UBE2J1: variants seen among roughly 807,000 people sequenced by gnomAD.
UBE2J1 encodes ubiquitin-conjugating enzyme E2 J1.
A neutral mutation model predicts 42.1 loss-of-function variants in UBE2J1; 17 were observed. The ratio of observed to expected loss-of-function variants is 0.40; its 90% confidence interval spans 0.28 to 0.61. The LOEUF (loss-of-function observed/expected upper bound fraction) is 0.61. Among genes scored for constraint, UBE2J1 ranks in the 20% least tolerant of loss-of-function variants. UBE2J1 has a pLI of 0.38. For missense variants in UBE2J1, 291 were observed against 389.4 expected (o/e 0.75, Z 2.13); for synonymous variants, 127 against 137.2 (o/e 0.93, Z 0.52).
At chr6:89,330,444 C>T (rs1322579411) in intron 7 of UBE2J1, among the ~76,000 whole-genome samples, 1 of 152,068 alleles carries the variant, frequency 6.6e-6, no homozygotes. Flanking sequence ...AACCAACGTG[C>T]CCAGCCTCAG....
At chr6:89,351,309 T>A (rs1768475905) in intron 1 of UBE2J1, among the ~76,000 whole-genome samples, 1 of 151,970 alleles carries the variant, frequency 6.6e-6, no homozygotes, top group South Asian at 2.1e-4. Flanking sequence ...CTCCACCTCC[T>A]GGGCTCAAGC....
Position 89,329,076 on chromosome 6 carries a change from G to C in UBE2J1, c.*603C>G, listed in dbSNP as rs1324881173. 1 of 152,588 alleles carries C rather than the reference G, an allele frequency of 6.6e-6. No individual in the cohort carries two copies. The highest frequency in any genetic ancestry group is 1.5e-5 in the Non-Finnish European group (1 of 68,362). The allele number at this position is 152,588 out of a possible 1,614,324, so 9.5% of individuals were successfully genotyped here. ...TTACAAAGTACTCCCTCTTCAAGTA[G>C]CATCCAGTGACAAAGATGTGATCTC... On this transcript the variant is annotated 3_prime_UTR_variant, in exon 8 of 8. Coordinates refer to ENST00000435041, the MANE Select transcript of UBE2J1 (RefSeq NM_016021.3).
chr6:89,338,668 T>G lies in UBE2J1; in HGVS notation c.238-125A>C, dbSNP rs543813687. 1.8e-4 allele frequency: 50 copies of G among 274,582 alleles called. 2 individuals carry two copies. The Admixed American group carries it at 1.8e-3, about 10-fold the overall frequency. 17.0% of individuals were successfully genotyped at this position (274,582 alleles called of 1,614,324 possible). Reference sequence around the variant, plus strand: ...ATCTTAAAAAGTTTGTTTTTTTTTTTTTTTTTTTTTTTTTTGAGATGGAGT... The same window carrying G: ...ATCTTAAAAAGTTTGTTTTTTTTTTGTTTTTTTTTTTTTTTGAGATGGAGT... On this transcript the variant is annotated intron_variant, in intron 3 of 7. Coordinates refer to ENST00000435041, the MANE Select transcript of UBE2J1 (RefSeq NM_016021.3).
At chr6:89,341,346 TG>T (rs1468919377) in intron 3 of UBE2J1, among the ~76,000 whole-genome samples, 7 of 152,246 alleles carry the variant, frequency 4.6e-5, no homozygotes, top group African/African-American at 1.7e-4. Flanking sequence ...GAATGGTTTT[TG>T]TGTTTGTTTT....
chr6:89,338,561 C>T lies in UBE2J1; in HGVS notation c.238-18G>A, dbSNP rs758500311. ...CCATTAGCCTGAGGAATAAACAATG[C>T]ATTTAGAAAATTAAATACATGTGCT... On this transcript the variant is annotated intron_variant, in intron 3 of 7. Coordinates refer to ENST00000435041, the MANE Select transcript of UBE2J1 (RefSeq NM_016021.3). The T allele has an allele frequency of 6.8e-7, 1 of 1,474,878 alleles. No homozygotes were observed. Among genetic ancestry groups the T allele is most frequent in the Non-Finnish European group, 9.1e-7 (1 of 1,103,658 alleles). 91.4% of individuals were successfully genotyped at this position (1,474,878 alleles called of 1,614,324 possible).
intron 5 of UBE2J1, 80 bp from the exon 6 acceptor site, chr6:89,335,511 T>A: frequency 7.5e-6 from 8 of 1,062,756 alleles, no homozygotes; most frequent in Non-Finnish European, 1.0e-5. Context: ...AAATGCTCGA[T>A]CATTAAACTT....
Position 89,333,156 on chromosome 6 carries a change from T to C in UBE2J1, c.608A>G (p.His203Arg), listed in dbSNP as rs775989219. The change falls in exon 7 of 8, where the codon CAC (histidine) becomes CGC (arginine). Residue 203 changes from histidine (H) to arginine (R), a missense_variant. By Grantham distance (29) the His-to-Arg change is conservative. Around this residue, in one of 2 missense-constraint regions of UBE2J1, gnomAD observed 176 missense variants for 196.3 expected, o/e 0.90. Coordinates refer to ENST00000435041, the MANE Select transcript of UBE2J1 (RefSeq NM_016021.3). Reference protein sequence around the residue: ...GKTISESDLNHSFSLTDLQDD... With the variant: ...GKTISESDLNRSFSLTDLQDD... ...TTGTAAATCAGTTAGTGAAAAAGAGTGGTTTAAGTCTGACTCAGAGATAGT... is the reference window on the plus strand; with the variant it reads ...TTGTAAATCAGTTAGTGAAAAAGAGCGGTTTAAGTCTGACTCAGAGATAGT... 6.2e-7 allele frequency: 1 copy of C among 1,612,880 alleles called. No homozygotes were observed. The highest frequency in any genetic ancestry group is 8.5e-7 in the Non-Finnish European group (1 of 1,179,480).
Position 89,327,389 on chromosome 6 carries a change from T to A in UBE2J1, c.*2290A>T, listed in dbSNP as rs1452139487. The A allele has an allele frequency of 6.6e-6, 1 of 152,178 alleles. No individual in the cohort carries two copies. Among genetic ancestry groups the A allele is most frequent in the Non-Finnish European group, 1.5e-5 (1 of 68,028 alleles). 9.4% of individuals were successfully genotyped at this position (152,178 alleles called of 1,614,324 possible). On this transcript the variant is annotated 3_prime_UTR_variant, in exon 8 of 8. Transcript: ENST00000435041. ...AGTAGGGCTTTAAAGATAATAGTTTTCTGAAGAGGCCTTTCAGTGGGGCTT... is the reference window on the plus strand; with the variant it reads ...AGTAGGGCTTTAAAGATAATAGTTTACTGAAGAGGCCTTTCAGTGGGGCTT...
intron 6 of UBE2J1, among the ~76,000 whole-genome samples, chr6:89,333,835 A>G (rs1309949840): frequency 6.6e-6 from 1 of 152,184 alleles, no homozygotes; most frequent in Non-Finnish European, 1.5e-5. Context: ...ACTACAATAA[A>G]AGAGAAGGGA....
chr6:89,329,442 T>A lies in UBE2J1; in HGVS notation c.*237A>T, dbSNP rs541167835. ...CATGAGAAAAAACAAGTTATTTCCC[T>A]GCAAAGCAGATCAAATAGTGAGACA... On this transcript the variant is annotated 3_prime_UTR_variant, in exon 8 of 8. Transcript: ENST00000435041. 2.0e-6 allele frequency: 1 copy of A among 505,494 alleles called. No homozygotes were observed. Among genetic ancestry groups the A allele is most frequent in the Non-Finnish European group, 3.5e-6 (1 of 289,040 alleles). 31.3% of individuals were successfully genotyped at this position (505,494 alleles called of 1,614,324 possible). A position where few individuals can be genotyped will look rare whatever the true frequency, so the allele number is the denominator to read the frequency against.
chr6:89,348,813 G>A (rs529694531), intron 1 of UBE2J1, among the ~76,000 whole-genome samples: 26 of 152,298 alleles, frequency 1.7e-4, no homozygotes, highest in African/African-American at 6.0e-4. Flanking sequence ...GAACCTTAAA[G>A]CTTGAAGAAC....
chr6:89,350,391 T>C (rs1422597405), intron 1 of UBE2J1, among the ~76,000 whole-genome samples: 3 of 152,086 alleles, frequency 2.0e-5, no homozygotes, highest in African/African-American at 7.2e-5. Context: ...ACACAGGAAA[T>C]TGGAGTTTTC....
intron 3 of UBE2J1, among the ~76,000 whole-genome samples, chr6:89,339,367 C>T (rs1768185724): frequency 7.2e-6 from 1 of 139,452 alleles, no homozygotes; most frequent in African/African-American, 2.7e-5. Flanking sequence ...GAGTTCAAGG[C>T]CACAGTGAAC....
chr6:89,338,463 C>G lies in UBE2J1; in HGVS notation c.318G>C (p.Trp106Cys). 6.2e-7 allele frequency: 1 copy of G among 1,610,144 alleles called. No homozygotes were observed. The highest frequency in any genetic ancestry group is 8.5e-7 in the Non-Finnish European group (1 of 1,178,686). Residue 106 changes from tryptophan (W) to cysteine (C), a missense_variant, in exon 4 of 8, where the codon TGG becomes TGC. By Grantham distance (215) the Trp-to-Cys change is radical (BLOSUM62 -2). Around this residue, in one of 2 missense-constraint regions of UBE2J1, gnomAD observed 115 missense variants for 193.1 expected, o/e 0.60. Transcript: ENST00000435041. ...GHHPETWQPS[W>C]SIRTALLAII... ...TCACTATAAATTAACACTTACTACTCCACGAAGGCTGCCAAGTTTCAGGAT... is the reference window on the plus strand; with the variant it reads ...TCACTATAAATTAACACTTACTACTGCACGAAGGCTGCCAAGTTTCAGGAT...
intron 1 of UBE2J1, among the ~76,000 whole-genome samples, chr6:89,349,858 C>A (rs545625033): frequency 6.6e-6 from 1 of 152,094 alleles, no homozygotes. Flanking sequence ...ATGTCAATGG[C>A]CCCCTGATGA....
Position 89,329,919 on chromosome 6 carries a change from T to C in UBE2J1, c.717A>G (p.Gln239=), listed in dbSNP as rs769390748. The C allele has an allele frequency of 2.9e-5, 47 of 1,613,884 alleles. No homozygotes were observed. Among genetic ancestry groups the C allele is most frequent in the Non-Finnish European group, 3.4e-5 (40 of 1,179,956 alleles). ...LQNSSAASFH[Q]PTQPVAKNTS... ...TATTCTTAGCTACAGGTTGGGTAGG[T>C]TGATGAAAGGATGCTGCTGAGGAAT... The change falls in exon 8 of 8, where the codon CAA becomes CAG. Residue 239 remains glutamine (Q), a synonymous_variant. Coordinates refer to ENST00000435041, the MANE Select transcript of UBE2J1 (RefSeq NM_016021.3).
intron 1 of UBE2J1, among the ~76,000 whole-genome samples, chr6:89,347,213 CA>C (rs1027189032): frequency 1.3e-5 from 2 of 152,128 alleles, no homozygotes; most frequent in Admixed American, 6.5e-5. Flanking sequence ...ACCCATAGAA[CA>C]AAGATGGAAA....
At chr6:89,335,457 A>T in intron 5 of UBE2J1, 26 bp from the exon 6 acceptor site, 1 of 1,518,070 alleles carries the variant, frequency 6.6e-7, no homozygotes, top group Non-Finnish European at 8.9e-7. Flanking sequence ...TTTTTAAATG[A>T]AAATAAATAG....
At chr6:89,352,178 G>A (rs1229564489) in intron 1 of UBE2J1, among the ~76,000 whole-genome samples, 1 of 152,240 alleles carries the variant, frequency 6.6e-6, no homozygotes, top group East Asian at 1.9e-4. Flanking sequence ...GGCAGCGACA[G>A]GGAGGGAATA....
Sources: allele counts gnomAD v4.1 joint callset (sites outside exome capture counted in the v4.1 genomes callset), GRCh38; gene constraint gnomAD v4.1.1; regional missense constraint gnomAD v4.1.1; transcripts MANE v1.5; gene names NCBI Gene and HGNC (gene_info 2026-07-23, HGNC 2026-07-21).